The following PPP3CC variants were observed in gnomAD, a reference collection of about 807,000 sequenced individuals.
PPP3CC encodes the protein serine/threonine-protein phosphatase 2B catalytic subunit gamma isoform.
In PPP3CC, 35 loss-of-function variants were observed where a neutral mutation model predicts 60.3. The observed-to-expected ratio is 0.58, with a 90% CI of 0.44 to 0.77. PPP3CC has a LOEUF of 0.77. Among genes scored for constraint, PPP3CC ranks in the 30% least tolerant of loss-of-function variants. PPP3CC has a pLI of 0.00. For missense variants in PPP3CC, 570 were observed against 628.9 expected, an observed-to-expected ratio of 0.91 and a Z score of 1.00; for synonymous variants, 206 against 224.3, an observed-to-expected ratio of 0.92 and a Z score of 0.73.
intron 1 of PPP3CC, among the ~76,000 whole-genome samples, chr8:22,453,735 C>T (rs1050352513): frequency 1.3e-5 from 2 of 152,206 alleles, no homozygotes; most frequent in Non-Finnish European, 2.9e-5. Flanking sequence ...TGCTCCTAAT[C>T]TACAAACCTG....
At chr8:22,503,468 A>C (rs1838819887) in intron 4 of PPP3CC, among the ~76,000 whole-genome samples, 1 of 152,240 alleles carries the variant, frequency 6.6e-6, no homozygotes, top group South Asian at 2.1e-4. Flanking sequence ...TTTTGAATTA[A>C]GTTTCAGAGG....
At chr8:22,457,035 T>TTCCTTCC (rs1837219538) in intron 1 of PPP3CC, among the ~76,000 whole-genome samples, 1 of 51,618 alleles carries the variant, frequency 1.9e-5, no homozygotes, top group Non-Finnish European at 3.5e-5. Flanking sequence ...CTTCCTCCCT[T>TTCCTTCC]CCTCCCTCCC....
chr8:22,513,364 T>C lies in PPP3CC; in HGVS notation c.702T>C (p.Asp234=). Residue 234 remains aspartate (D), a synonymous_variant, in exon 6 of 14, where the codon GAT becomes GAC. Coordinates refer to ENST00000240139, the MANE Select transcript of PPP3CC (RefSeq NM_005605.5). ...TGCTTTGGTCTGATCCCTCAGAGGA[T>C]TATGGCAATGAGAAGACCTTGGAGC... ...CDLLWSDPSE[D]YGNEKTLEHY... is the part of the protein sequence containing the mutation. The C allele has an allele frequency of 6.2e-7, 1 of 1,613,996 alleles. No individual in the cohort carries two copies. The highest frequency in any genetic ancestry group is 8.5e-7 in the Non-Finnish European group (1 of 1,179,946).
intron 4 of PPP3CC, among the ~76,000 whole-genome samples, chr8:22,505,890 G>A (rs1244716534): frequency 1.3e-5 from 2 of 151,874 alleles, no homozygotes; most frequent in Admixed American, 6.6e-5. Context: ...GTACAGGGAG[G>A]GCATCTTTTC....
chr8:22,448,475 G>C (rs574261087), intron 1 of PPP3CC, among the ~76,000 whole-genome samples: 1 of 151,866 alleles, frequency 6.6e-6, no homozygotes, highest in South Asian at 2.1e-4. Flanking sequence ...TGCCTGCCGG[G>C]TTCAAGCGAT....
intron 1 of PPP3CC, among the ~76,000 whole-genome samples, chr8:22,473,190 A>C (rs1461087874): frequency 6.6e-6 from 1 of 152,162 alleles, no homozygotes; most frequent in East Asian, 1.9e-4. Context: ...TGGTTCCATA[A>C]AGCTGGAAGT....
chr8:22,455,885 A>G (rs1424277330), intron 1 of PPP3CC, among the ~76,000 whole-genome samples: 2 of 152,092 alleles, frequency 1.3e-5, no homozygotes, highest in Non-Finnish European at 2.9e-5. Context: ...GTGACTATCA[A>G]AGACCAGAGG....
intron 4 of PPP3CC, 127 bp from the exon 5 acceptor site, chr8:22,510,959 A>T: frequency 9.7e-7 from 1 of 1,032,540 alleles, no homozygotes; most frequent in African/African-American, 1.6e-5. Flanking sequence ...CTTTACAAAG[A>T]TAATTGTGCT....
intron 4 of PPP3CC, among the ~76,000 whole-genome samples, 188 bp downstream of exon 4, chr8:22,498,300 C>T (rs1563743867): frequency 6.6e-6 from 1 of 152,014 alleles, no homozygotes; most frequent in Non-Finnish European, 1.5e-5. Flanking sequence ...TTTGGGTTCC[C>T]CCTTGTTTAT....
Position 22,502,966 on chromosome 8 carries a change from T to A in PPP3CC, c.484+4854T>A, listed in dbSNP as rs373415778. 3.3e-5 allele frequency among the ~76,000 whole-genome samples: 5 copies of A among 152,192 alleles called. No homozygotes were observed. In the East Asian group the frequency reaches 7.7e-4, roughly 23 times the overall value. Reference sequence around the variant, plus strand: ...CTCATGCAATCCTCCAGCCTTAGCCTCCTAAATAGCTGGGACTATAAGTGC... The same window carrying A: ...CTCATGCAATCCTCCAGCCTTAGCCACCTAAATAGCTGGGACTATAAGTGC... On this transcript the variant is annotated intron_variant, in intron 4 of 13. Coordinates refer to ENST00000240139, the MANE Select transcript of PPP3CC (RefSeq NM_005605.5).
chr8:22,465,299 G>T (rs1586800494), intron 1 of PPP3CC, among the ~76,000 whole-genome samples: 2 of 152,086 alleles, frequency 1.3e-5, no homozygotes, highest in South Asian at 2.1e-4. Flanking sequence ...TCAGGTCACT[G>T]CTATGCTTTA....
chr8:22,448,818 C>CAA (rs150084750), intron 1 of PPP3CC, among the ~76,000 whole-genome samples: 1 of 150,050 alleles, frequency 6.7e-6, no homozygotes, highest in African/African-American at 2.5e-5. Flanking sequence ...TTAAATTGTT[C>CAA]AAAAAAAAAT....
At chr8:22,521,823 A>G (rs1839411779) in intron 6 of PPP3CC, among the ~76,000 whole-genome samples, 1 of 152,134 alleles carries the variant, frequency 6.6e-6, no homozygotes, top group Non-Finnish European at 1.5e-5. Context: ...TTAGGAGTAT[A>G]TGAGAATATT....
intron 1 of PPP3CC, among the ~76,000 whole-genome samples, chr8:22,447,338 C>T (rs1410047073): frequency 6.6e-6 from 1 of 151,930 alleles, no homozygotes; most frequent in African/African-American, 2.4e-5. Context: ...TGCCACCATG[C>T]CCGGCTAATT....
Position 22,527,462 on chromosome 8 carries a change from G to T in PPP3CC, c.1014G>T (p.Trp338Cys). 1 of 1,613,820 alleles carries T rather than the reference G, an allele frequency of 6.2e-7. No individual in the cohort carries two copies. The highest frequency in any genetic ancestry group is 8.5e-7 in the Non-Finnish European group (1 of 1,179,810). ...RQFNCSPHPY[W>C]LPNFMDVFTW... is the part of the protein sequence containing the mutation. ...TTAACTGTTCTCCACACCCCTACTGGCTTCCAAACTTTATGGATGTTTTCA... is the reference window on the plus strand; with the variant it reads ...TTAACTGTTCTCCACACCCCTACTGTCTTCCAAACTTTATGGATGTTTTCA... Residue 338 changes from tryptophan (W) to cysteine (C), a missense_variant, in exon 9 of 14, where the codon TGG (tryptophan) becomes TGT (cysteine). Transcript: ENST00000240139.
intron 3 of PPP3CC, among the ~76,000 whole-genome samples, chr8:22,491,025 T>G (rs1235686062): frequency 2.0e-5 from 3 of 152,208 alleles, no homozygotes; most frequent in Non-Finnish European, 4.4e-5. Context: ...GTTGATTGCT[T>G]TCTGCCTGCT....
chr8:22,523,731 A>T (rs1437494334), intron 8 of PPP3CC: 3 of 449,698 alleles, frequency 6.7e-6, no homozygotes, highest in Non-Finnish European at 1.3e-5. Context: ...GCCAAAAGTC[A>T]TTCGGAGTCA....
At chr8:22,483,235 C>A (rs1404981874) in intron 3 of PPP3CC, among the ~76,000 whole-genome samples, 1 of 152,138 alleles carries the variant, frequency 6.6e-6, no homozygotes, top group African/African-American at 2.4e-5. Context: ...ACTATCAAAG[C>A]TCAATCTTTG....
chr8:22,517,697 A>G (rs1454507987), intron 6 of PPP3CC, among the ~76,000 whole-genome samples: 1 of 152,070 alleles, frequency 6.6e-6, no homozygotes, highest in Non-Finnish European at 1.5e-5. Context: ...TGAGGCATCT[A>G]TTGTAATGTC....
Sources: gnomAD v4.1 joint callset for allele counts (sites outside exome capture counted in the v4.1 genomes callset) on GRCh38, gnomAD v4.1.1 for gene constraint, MANE v1.5 for transcripts, NCBI Gene and HGNC (gene_info 2026-07-23, HGNC 2026-07-21) for gene names.